Variants in ARFIP1 observed in about 807,000 individuals in gnomAD.
ARFIP1 encodes ARF interacting protein 1.
Under a neutral mutation model 42.5 loss-of-function variants are expected in ARFIP1, and 24 were observed. That is an observed-to-expected ratio of 0.57 (90% CI 0.41 to 0.80). The LOEUF (loss-of-function observed/expected upper bound fraction) is 0.80. ARFIP1 is among the 30% of genes least tolerant of loss of function. The pLI is 0.00. For synonymous variants in ARFIP1, 141 were observed against 153.7 expected (o/e 0.92, Z 0.61); for missense variants, 354 against 434.0 (o/e 0.82, Z 1.64).
In ARFIP1 at chr4:152,898,614, A is replaced by C. The variant is rs188303859; in HGVS notation, c.966+10307A>C. On this transcript the variant is annotated intron_variant, in intron 8 of 8. Coordinates refer to ENST00000353617, the MANE Select transcript of ARFIP1 (RefSeq NM_001025595.3). Reference sequence around the variant, plus strand: ...AACTTACAGTCTAAAGGAGGAATTTAAATAAAATCAATTATATATAAAATG... The same window carrying C: ...AACTTACAGTCTAAAGGAGGAATTTCAATAAAATCAATTATATATAAAATG... 9.7e-4 allele frequency among the ~76,000 whole-genome samples: 148 copies of C among 152,338 alleles called. 1 individual carries two copies. The Middle Eastern group carries it at 0.02, about 21-fold the overall frequency.
intron 2 of ARFIP1, among the ~76,000 whole-genome samples, chr4:152,845,788 G>A (rs1300447383): frequency 1.3e-5 from 2 of 152,192 alleles, no homozygotes; most frequent in African/African-American, 4.8e-5. Context: ...AAGCAGTTTG[G>A]AGATTTCCCA....
At chr4:152,847,124 C>T (rs71598218) in intron 2 of ARFIP1, among the ~76,000 whole-genome samples, 159 of 40,498 alleles carry the variant, frequency 3.9e-3, no homozygotes, top group Middle Eastern at 0.023. Context: ...TAGGTTTGTT[C>T]TTTTTTTTTT....
intron 1 of ARFIP1, among the ~76,000 whole-genome samples, chr4:152,786,011 C>G (rs1008811171): frequency 2.6e-5 from 4 of 152,066 alleles, no homozygotes; most frequent in African/African-American, 9.7e-5. Context: ...ATTGTTGAAC[C>G]ACGAGTTTAA....
chr4:152,784,320 A>C (rs1455802377), intron 1 of ARFIP1, among the ~76,000 whole-genome samples: 1 of 152,204 alleles, frequency 6.6e-6, no homozygotes. Flanking sequence ...TGGCTCTTGC[A>C]GATTAACAGA....
chr4:152,879,707 C>T (rs761694751), intron 5 of ARFIP1, among the ~76,000 whole-genome samples: 4 of 151,946 alleles, frequency 2.6e-5, no homozygotes, highest in African/African-American at 4.8e-5. Flanking sequence ...AAATTAGCCA[C>T]GTGTGGTGTC....
intron 6 of ARFIP1, among the ~76,000 whole-genome samples, chr4:152,882,324 C>A (rs1735912371): frequency 6.6e-6 from 1 of 152,102 alleles, no homozygotes; most frequent in South Asian, 2.1e-4. Context: ...TGTTTTATGT[C>A]TGAAAGTTTT....
chr4:152,898,926 C>T (rs1433459171), intron 8 of ARFIP1, among the ~76,000 whole-genome samples: 1 of 152,154 alleles, frequency 6.6e-6, no homozygotes, highest in Non-Finnish European at 1.5e-5. Context: ...TTTGTCCTAA[C>T]AAATTTTGAT....
At chr4:152,859,202 T>G (rs1339827869) in intron 2 of ARFIP1, among the ~76,000 whole-genome samples, 1 of 152,126 alleles carries the variant, frequency 6.6e-6, no homozygotes, top group Non-Finnish European at 1.5e-5. Context: ...GCTAGGACTA[T>G]AGGCTCATGC....
At position 152,804,146 on chromosome 4, in the gene ARFIP1, GTATTATATATTATATATAATATAAC is replaced by G. The variant is rs1728697535; in HGVS notation, c.-10+23921_-10+23945del. 2.7e-5 allele frequency among the ~76,000 whole-genome samples: 3 copies of G among 112,232 alleles called. 1 individual carries two copies. Among genetic ancestry groups the G allele is most frequent in the African/African-American group, 7.3e-5 (2 of 27,240 alleles). 73.6% of individuals were successfully genotyped at this position (112,232 alleles called of 152,430 possible). ...TTATATATTATATATAATATAACATGTATTATATATTATATATAATATAACATGTATTATATATTATATATAATAT... is the reference window on the plus strand; with the variant it reads ...TTATATATTATATATAATATAACATGATGTATTATATATTATATATAATAT... On this transcript the variant is annotated intron_variant, in intron 1 of 8. Transcript: ENST00000353617.
At chr4:152,834,779 C>T (rs987021219) in intron 2 of ARFIP1, among the ~76,000 whole-genome samples, 6 of 152,224 alleles carry the variant, frequency 3.9e-5, no homozygotes, top group African/African-American at 1.2e-4. Context: ...TGGTGGCTCC[C>T]TTCCCACAGC....
chr4:152,910,954 T>G lies in ARFIP1; in HGVS notation c.*735T>G, dbSNP rs1738803270. ...TAACAAAACCTGCTTAAGAGAATTTTTTTTTTTGACAGGTGGACGTGGGAA... is the reference window on the plus strand; with the variant it reads ...TAACAAAACCTGCTTAAGAGAATTTGTTTTTTTGACAGGTGGACGTGGGAA... On this transcript the variant is annotated 3_prime_UTR_variant, in exon 9 of 9. Transcript: ENST00000353617. 1 of 152,678 alleles carries G rather than the reference T, an allele frequency of 6.5e-6. No individual in the cohort carries two copies. The highest frequency in any genetic ancestry group is 2.4e-5 in the African/African-American group (1 of 41,478). 9.5% of individuals were successfully genotyped at this position (152,678 alleles called of 1,614,324 possible). A position where few individuals can be genotyped will look rare whatever the true frequency, so the allele number is the denominator to read the frequency against.
chr4:152,893,811 A>T (rs893313699), intron 8 of ARFIP1, among the ~76,000 whole-genome samples: 2 of 152,180 alleles, frequency 1.3e-5, no homozygotes, highest in Admixed American at 6.5e-5. Context: ...TACTTAATTT[A>T]AAAAAATTTC....
At chr4:152,885,121 T>A (rs1205637377) in intron 7 of ARFIP1, among the ~76,000 whole-genome samples, 1 of 152,084 alleles carries the variant, frequency 6.6e-6, no homozygotes, top group Non-Finnish European at 1.5e-5. Flanking sequence ...TGGCTAGTTG[T>A]TAACACTAAA....
At chr4:152,856,600 G>T (rs1308351928) in intron 2 of ARFIP1, among the ~76,000 whole-genome samples, 1 of 152,134 alleles carries the variant, frequency 6.6e-6, no homozygotes, top group Non-Finnish European at 1.5e-5. Context: ...TTATATAAGG[G>T]ACTTGAGCAT....
chr4:152,798,566 T>C (rs1731614842), intron 1 of ARFIP1, among the ~76,000 whole-genome samples: 1 of 152,240 alleles, frequency 6.6e-6, no homozygotes, highest in Non-Finnish European at 1.5e-5. Flanking sequence ...ACCAATCCTT[T>C]ACCTCTAGGA....
rs534679584 is a variant in ARFIP1 at position 152,796,626 on chromosome 4, T to C, written c.-10+16400T>C. The C allele has an allele frequency of 3.6e-5, 32 of 895,184 alleles. No individual in the cohort carries two copies. In the East Asian group the frequency reaches 6.5e-4, roughly 18 times the overall value. 55.5% of individuals were successfully genotyped at this position (895,184 alleles called of 1,614,324 possible). ...TTTCATCATTCTTTTGTTTGGTGTT[T>C]CTCTTTTCATGCATCTTGATGGTCT... On this transcript the variant is annotated intron_variant, in intron 1 of 8. Transcript: ENST00000353617.
At chr4:152,829,850 A>C (rs1731134079) in intron 2 of ARFIP1, 124 bp downstream of exon 2, 1 of 727,806 alleles carries the variant, frequency 1.4e-6, no homozygotes, top group South Asian at 2.8e-5. Flanking sequence ...TCAGGAATCT[A>C]ATGTTATTAT....
At chr4:152,822,296 T>TAAAAAAAAAAA (rs70949618) in intron 1 of ARFIP1, among the ~76,000 whole-genome samples, 1 of 65,580 alleles carries the variant, frequency 1.5e-5, no homozygotes, top group East Asian at 4.4e-4. Context: ...GCAACAGCAG[T>TAAAAAAAAAAA]AAAAAAAAAA....
chr4:152,867,090 G>A (rs1734458399), intron 3 of ARFIP1, among the ~76,000 whole-genome samples: 1 of 151,990 alleles, frequency 6.6e-6, no homozygotes, highest in Non-Finnish European at 1.5e-5. Flanking sequence ...TTCCCAGACG[G>A]GGTGGCGGCC....
Sources: allele counts gnomAD v4.1 joint callset (sites outside exome capture counted in the v4.1 genomes callset), GRCh38; gene constraint gnomAD v4.1.1; transcripts MANE v1.5; gene names NCBI Gene and HGNC (gene_info 2026-07-23, HGNC 2026-07-21).